The following MAP1B variants were observed in gnomAD, a reference collection of about 807,000 sequenced individuals.
MAP1B encodes microtubule-associated protein 1B.
MAP1B carries 12 observed loss-of-function variants against 176.1 expected under a neutral mutation model. That is an observed-to-expected ratio of 0.07 (90% CI 0.04 to 0.11). The LOEUF (loss-of-function observed/expected upper bound fraction) is 0.11, where lower values mean the gene tolerates loss of function less well. Ranked by LOEUF, MAP1B falls within the 10% of genes least tolerant of loss-of-function variation. MAP1B has a pLI of 1.00. For synonymous variants in MAP1B, 1,044 were observed against 1,135.0 expected (o/e 0.92, Z 1.61); for missense variants, 2,523 against 2,990.5 (o/e 0.84, Z 3.65).
At chr5:72,201,599 T>A (rs539989928) in intron 5 of MAP1B, among the ~76,000 whole-genome samples, 1 of 152,360 alleles carries the variant, frequency 6.6e-6, no homozygotes, top group South Asian at 2.1e-4. Context: ...TAGGTAATTA[T>A]TCAGAGATTT....
At chr5:72,152,166 C>T (rs1041474962) in intron 2 of MAP1B, among the ~76,000 whole-genome samples, 2 of 152,144 alleles carry the variant, frequency 1.3e-5, no homozygotes. Flanking sequence ...CACACCAGAA[C>T]AGCATTCTAG....
At chr5:72,181,995 A>T (rs1034272296) in intron 2 of MAP1B, among the ~76,000 whole-genome samples, 4 of 143,336 alleles carry the variant, frequency 2.8e-5, no homozygotes, top group African/African-American at 5.2e-5. Context: ...AAGTGCTGGG[A>T]TTACAGGCAT....
At chr5:72,150,895 G>A (rs1746128133) in intron 2 of MAP1B, among the ~76,000 whole-genome samples, 1 of 152,196 alleles carries the variant, frequency 6.6e-6, no homozygotes, top group South Asian at 2.1e-4. Flanking sequence ...GTTGGTGTCT[G>A]GGTAGGTCAG....
intron 5 of MAP1B, among the ~76,000 whole-genome samples, chr5:72,200,624 G>A (rs1274421655): frequency 6.6e-5 from 10 of 152,152 alleles, no homozygotes; most frequent in East Asian, 1.9e-4. Context: ...TGCCGTTTTC[G>A]AACACAGCAA....
chr5:72,127,808 T>C (rs1745657088), intron 2 of MAP1B, among the ~76,000 whole-genome samples: 1 of 152,192 alleles, frequency 6.6e-6, no homozygotes, highest in African/African-American at 2.4e-5. Context: ...ATTATTATTT[T>C]TCAAAGTTGT....
chr5:72,115,619 A>T (rs1745418441), intron 1 of MAP1B, 79 bp from the exon 2 acceptor site: 2 of 835,988 alleles, frequency 2.4e-6, no homozygotes, highest in African/African-American at 1.7e-5. Context: ...AAGCCTGAGA[A>T]ATATTACAGT....
At chr5:72,137,730 A>G (rs1020478073) in intron 2 of MAP1B, among the ~76,000 whole-genome samples, 3 of 152,214 alleles carry the variant, frequency 2.0e-5, no homozygotes, top group African/African-American at 4.8e-5. Context: ...ATTCAGAACT[A>G]TACTTTCTCT....
rs759502723 is a variant in MAP1B at position 72,199,507 on chromosome 5, C to T, written c.6152C>T (p.Thr2051Ile). ...GAGACTGCAGAGAAAATCACTAGAA[C>T]CCCTCAGGCATCCACATATTCCTAC... Reference protein sequence around the residue: ...CYETAEKITRTPQASTYSYET... With the variant: ...CYETAEKITRIPQASTYSYET... Residue 2051 changes from threonine (T) to isoleucine (I), a missense_variant, in exon 5 of 7, where the codon ACC (threonine) becomes ATC (isoleucine). By Grantham distance (89) the Thr-to-Ile change is moderately conservative. This residue lies in a region of MAP1B where 1,925 missense variants were observed against 2,126.0 expected (regional missense o/e 0.91). Transcript: ENST00000296755. This position sits in a 1 kb window ranked among gnomAD's most constrained non-coding sequence, Gnocchi z 4.2. 4 of 1,614,034 alleles carry T rather than the reference C, an allele frequency of 2.5e-6. No homozygotes were observed. The South Asian group carries it at 3.3e-5, about 13-fold the overall frequency.
intron 2 of MAP1B, among the ~76,000 whole-genome samples, chr5:72,159,167 GGAA>G (rs1746283895): frequency 6.6e-6 from 1 of 152,114 alleles, no homozygotes; most frequent in Non-Finnish European, 1.5e-5. Context: ...TAGAAGAGAA[GGAA>G]CCTTGTGCAA....
chr5:72,166,566 CT>C (rs1746433679), intron 2 of MAP1B, among the ~76,000 whole-genome samples: 2 of 152,332 alleles, frequency 1.3e-5, no homozygotes, highest in South Asian at 2.1e-4. Flanking sequence ...GATTCTCCCC[CT>C]GGCTCTGTGA....
chr5:72,163,364 C>A (rs997082046), intron 2 of MAP1B, among the ~76,000 whole-genome samples: 1 of 151,670 alleles, frequency 6.6e-6, no homozygotes, highest in Admixed American at 6.6e-5. Flanking sequence ...TAGTCTATTT[C>A]TTTTCCAAAA....
intron 1 of MAP1B, among the ~76,000 whole-genome samples, chr5:72,114,172 A>T (rs1745393970): frequency 6.6e-6 from 1 of 152,200 alleles, no homozygotes; most frequent in Non-Finnish European, 1.5e-5. Flanking sequence ...GTGGTGTGTA[A>T]TCTAAAGATA....
chr5:72,108,930 G>A (rs1745235271), intron 1 of MAP1B, among the ~76,000 whole-genome samples: 1 of 152,242 alleles, frequency 6.6e-6, no homozygotes, highest in African/African-American at 2.4e-5. Context: ...TATTCTCCTG[G>A]GGTGGTGCTG....
intron 2 of MAP1B, among the ~76,000 whole-genome samples, chr5:72,127,109 A>G (rs1418800556): frequency 6.6e-6 from 1 of 152,236 alleles, no homozygotes; most frequent in East Asian, 1.9e-4. Flanking sequence ...CAAGAGTTCT[A>G]GGGATTATCT....
At position 72,199,504 on chromosome 5, in the gene MAP1B, G is replaced by C; in HGVS notation, c.6149G>C (p.Arg2050Thr). ...TACGAGACTGCAGAGAAAATCACTA[G>C]AACCCCTCAGGCATCCACATATTCC... ...YCYETAEKIT[R>T]TPQASTYSYE... Residue 2050 changes from arginine to threonine, a missense_variant, in exon 5 of 7, where the codon AGA becomes ACA. Around this residue, in one of 4 missense-constraint regions of MAP1B, gnomAD observed 1,925 missense variants for 2,126.0 expected, o/e 0.91. Transcript: ENST00000296755. This position sits in a 1 kb window ranked among gnomAD's most constrained non-coding sequence, Gnocchi z 4.2. 6.2e-7 allele frequency: 1 copy of C among 1,614,124 alleles called. No homozygotes were observed. The highest frequency in any genetic ancestry group is 8.5e-7 in the Non-Finnish European group (1 of 1,180,026).
At chr5:72,113,530 C>T (rs1745380347) in intron 1 of MAP1B, among the ~76,000 whole-genome samples, 1 of 152,182 alleles carries the variant, frequency 6.6e-6, no homozygotes, top group South Asian at 2.1e-4. Flanking sequence ...GACAAGTTAA[C>T]TGAAGCCAAG....
intron 2 of MAP1B, among the ~76,000 whole-genome samples, chr5:72,175,501 A>G (rs1346480988): frequency 6.6e-6 from 1 of 152,184 alleles, no homozygotes; most frequent in African/African-American, 2.4e-5. Flanking sequence ...AACACCATCT[A>G]CGTTATTTAT....
At chr5:72,169,024 A>G (rs1347740529) in intron 2 of MAP1B, among the ~76,000 whole-genome samples, 1 of 152,230 alleles carries the variant, frequency 6.6e-6, no homozygotes, top group African/African-American at 2.4e-5. Flanking sequence ...CAAATAAAAA[A>G]TAGGTTGTTA....
rs1391980643 is a variant in MAP1B at position 72,123,720 on chromosome 5, G to A, written c.286+7921G>A. On this transcript the variant is annotated intron_variant, in intron 2 of 6. Coordinates refer to ENST00000296755, the MANE Select transcript of MAP1B (RefSeq NM_005909.5). ...AGGATGGTCTCGATCTCCTGACCTC[G>A]TGATCTGCCCGCCTCGGCCTCCCAA... Among the ~76,000 whole-genome samples, 3 of 152,184 alleles carry A rather than the reference G, an allele frequency of 2.0e-5. No homozygotes were observed. The South Asian group carries it at 6.2e-4, about 32-fold the overall frequency.
Sources: gnomAD v4.1 joint callset for allele counts (sites outside exome capture counted in the v4.1 genomes callset) on GRCh38, gnomAD v4.1.1 for gene constraint, gnomAD v4.1.1 regional missense constraint, Gnocchi (gnomAD v3.1) non-coding constraint, MANE v1.5 for transcripts, NCBI Gene and HGNC (gene_info 2026-07-23, HGNC 2026-07-21) for gene names.